Variants in ARHGAP42 observed in about 807,000 individuals in gnomAD.
The protein encoded by ARHGAP42 is rho GTPase-activating protein 42.
In ARHGAP42, 63 loss-of-function variants were observed where a neutral mutation model predicts 125.0. The ratio of observed to expected loss-of-function variants is 0.50; its 90% confidence interval spans 0.41 to 0.62. The LOEUF is 0.62. Ranked by LOEUF, ARHGAP42 falls within the 20% of genes least tolerant of loss-of-function variation. The pLI, the probability that ARHGAP42 is intolerant of heterozygous loss-of-function variation, is 0.00. For missense variants in ARHGAP42, 766 were observed against 1,024.2 expected, an observed-to-expected ratio of 0.75 and a Z score of 3.44; for synonymous variants, 339 against 351.0, an observed-to-expected ratio of 0.97 and a Z score of 0.38.
At chr11:100,897,254 A>G (rs1054658519) in intron 4 of ARHGAP42, among the ~76,000 whole-genome samples, 5 of 152,208 alleles carry the variant, frequency 3.3e-5, no homozygotes, top group African/African-American at 1.2e-4. Flanking sequence ...GTTGTAGTAT[A>G]GTTGGAAGTC....
At chr11:100,895,566 C>A (rs551050192) in intron 4 of ARHGAP42, among the ~76,000 whole-genome samples, 1 of 148,068 alleles carries the variant, frequency 6.8e-6, no homozygotes, top group Middle Eastern at 3.6e-3. Context: ...CAGCTGAGGT[C>A]ATTCTGCAGT....
At chr11:100,957,198 A>T (rs567491627) in intron 12 of ARHGAP42, among the ~76,000 whole-genome samples, 1 of 152,222 alleles carries the variant, frequency 6.6e-6, no homozygotes, top group Admixed American at 6.6e-5. Context: ...TAATAAGTGG[A>T]AGAGTAACTA....
At chr11:100,846,569 A>G (rs1170312332) in intron 3 of ARHGAP42, among the ~76,000 whole-genome samples, 2 of 152,132 alleles carry the variant, frequency 1.3e-5, no homozygotes, top group African/African-American at 4.8e-5. Flanking sequence ...GCTAGTAACT[A>G]TATGCCTCAG....
chr11:100,951,746 A>C (rs1423446071), intron 12 of ARHGAP42, among the ~76,000 whole-genome samples: 1 of 152,194 alleles, frequency 6.6e-6, no homozygotes, highest in Admixed American at 6.6e-5. Context: ...CACCAGAAAC[A>C]TCACTGTGCC....
intron 1 of ARHGAP42, among the ~76,000 whole-genome samples, chr11:100,751,266 A>AGTGT (rs60164599): frequency 7.8e-6 from 1 of 128,200 alleles, no homozygotes; most frequent in African/African-American, 3.2e-5. Flanking sequence ...TTATATATAT[A>AGTGT]GTGTGTGTGT....
chr11:100,843,992 G>A (rs1310158147), intron 3 of ARHGAP42, among the ~76,000 whole-genome samples: 3 of 151,994 alleles, frequency 2.0e-5, no homozygotes, highest in East Asian at 1.9e-4. Context: ...CATAGCCAAA[G>A]CAAGACTAAG....
At chr11:100,760,398 C>T (rs866789751) in intron 1 of ARHGAP42, among the ~76,000 whole-genome samples, 1 of 151,988 alleles carries the variant, frequency 6.6e-6, no homozygotes, top group African/African-American at 2.4e-5. Flanking sequence ...CTTAGTATGT[C>T]CTTTAAAATG....
chr11:100,954,513 T>C (rs1014617546), intron 12 of ARHGAP42, among the ~76,000 whole-genome samples: 1 of 152,192 alleles, frequency 6.6e-6, no homozygotes, highest in Non-Finnish European at 1.5e-5. Context: ...CGTGTATCTA[T>C]TCTCCACAGC....
At chr11:100,850,325 C>G (rs1328973307) in intron 3 of ARHGAP42, among the ~76,000 whole-genome samples, 2 of 152,182 alleles carry the variant, frequency 1.3e-5, no homozygotes, top group Admixed American at 6.5e-5. Context: ...TACAGGATAT[C>G]ACTGTACTGA....
chr11:100,986,080 T>C, intron 22 of ARHGAP42: 1 of 456,554 alleles, frequency 2.2e-6, no homozygotes, highest in Non-Finnish European at 4.4e-6. Flanking sequence ...TTAGCTAACA[T>C]TTCCTGAGTT....
rs757542700 is a variant in ARHGAP42, at chr11:100,978,997, A to G, written c.2404A>G (p.Lys802Glu). The part of the protein sequence containing the change: ...YQRPGSVVAA[K>E]AQLFENVGSP... The stretch of plus-strand genomic sequence containing the variant: ...TAAATCATTTTTCAGAGTGGCAGCA[A>G]AAGCTCAACTGTTTGAAAATGTTGG... The change falls in exon 22 of 24, where the codon AAA becomes GAA. Residue 802 changes from lysine (K) to glutamate (E), a missense_variant. By Grantham distance (56) the Lys-to-Glu change is moderately conservative. This residue lies in a region of ARHGAP42 where 308 missense variants were observed against 369.7 expected (regional missense o/e 0.83). Transcript: ENST00000298815. The G allele has an allele frequency of 5.2e-6, 8 of 1,551,506 alleles. No individual in the cohort carries two copies. The highest frequency in any genetic ancestry group is 2.0e-5 in the Admixed American group (1 of 50,990).
At chr11:100,750,379 A>G (rs2120352952) in intron 1 of ARHGAP42, among the ~76,000 whole-genome samples, 1 of 151,034 alleles carries the variant, frequency 6.6e-6, no homozygotes, top group Non-Finnish European at 1.5e-5. Flanking sequence ...ACGATTGGCT[A>G]ATTTAAAGAG....
rs1864136443 is a variant in ARHGAP42, at chr11:100,811,282, T to C, written c.312+16116T>C. On this transcript the variant is annotated intron_variant, in intron 3 of 23. Coordinates refer to ENST00000298815, the MANE Select transcript of ARHGAP42 (RefSeq NM_152432.4). ...GAATAAACATTTTAAATGTTAGTAG[T>C]TCCATATTTATTTCAATGTGTATTG... Among the ~76,000 whole-genome samples, 3 of 152,216 alleles carry C rather than the reference T, an allele frequency of 2.0e-5. No individual in the cohort carries two copies. In the South Asian group the frequency reaches 6.2e-4, roughly 31 times the overall value.
intron 2 of ARHGAP42, among the ~76,000 whole-genome samples, chr11:100,778,132 C>T (rs554846845): frequency 6.6e-6 from 1 of 151,902 alleles, no homozygotes; most frequent in African/African-American, 2.4e-5. Flanking sequence ...ATGATCACAC[C>T]ACTGTACTGC....
intron 3 of ARHGAP42, among the ~76,000 whole-genome samples, chr11:100,820,230 C>T (rs952296947): frequency 6.6e-6 from 1 of 152,062 alleles, no homozygotes; most frequent in Non-Finnish European, 1.5e-5. Flanking sequence ...TTGAAGACTA[C>T]CATTGAGATT....
At chr11:100,923,775 T>C (rs1383269712) in intron 6 of ARHGAP42, among the ~76,000 whole-genome samples, 1 of 152,144 alleles carries the variant, frequency 6.6e-6, no homozygotes, top group African/African-American at 2.4e-5. Flanking sequence ...TTCCAAAATA[T>C]TTTCCCAGCT....
At chr11:100,920,971 T>G (rs1361607916) in intron 5 of ARHGAP42, among the ~76,000 whole-genome samples, 2 of 151,894 alleles carry the variant, frequency 1.3e-5, no homozygotes, top group African/African-American at 4.8e-5. Context: ...GATGCTATCC[T>G]CACTTCTCCC....
intron 1 of ARHGAP42, among the ~76,000 whole-genome samples, chr11:100,726,424 A>G (rs1861862718): frequency 6.6e-6 from 1 of 152,196 alleles, no homozygotes; most frequent in Non-Finnish European, 1.5e-5. Flanking sequence ...AATGGTTGCT[A>G]TTGTTCAATA....
At chr11:100,827,129 G>A (rs776297764) in intron 3 of ARHGAP42, among the ~76,000 whole-genome samples, 93 of 148,344 alleles carry the variant, frequency 6.3e-4, no homozygotes, top group Non-Finnish European at 1.2e-3. Context: ...TCGGCCTCCC[G>A]AGTAGCTGGG....
Sources: gnomAD v4.1 joint callset for allele counts (sites outside exome capture counted in the v4.1 genomes callset) on GRCh38, gnomAD v4.1.1 for gene constraint, gnomAD v4.1.1 regional missense constraint, MANE v1.5 for transcripts, NCBI Gene and HGNC (gene_info 2026-07-23, HGNC 2026-07-21) for gene names.